The following OSBPL6 variants were observed in gnomAD, a reference collection of about 807,000 sequenced individuals.
The protein encoded by OSBPL6 is oxysterol binding protein like 6, also known as oxysterol-binding protein-related protein 6.
A neutral mutation model predicts 125.8 loss-of-function variants in OSBPL6; 49 were observed. That is an observed-to-expected ratio of 0.39 (90% confidence interval 0.31 to 0.49). OSBPL6 has a LOEUF of 0.49. OSBPL6 is among the 20% of genes least tolerant of loss of function. OSBPL6 has a pLI of 0.88. For synonymous variants in OSBPL6, 394 were observed against 391.8 expected, an observed-to-expected ratio of 1.01 and a Z score of -0.07; for missense variants, 986 against 1,135.4, an observed-to-expected ratio of 0.87 and a Z score of 1.89.
At chr2:178,361,545 G>A (rs1158852973) in intron 12 of OSBPL6, 137 bp from the exon 13 acceptor site, 1 of 945,712 alleles carries the variant, frequency 1.1e-6, no homozygotes, top group East Asian at 2.6e-5. Flanking sequence ...CCTTTTGAAG[G>A]CTGATTTTTA....
chr2:178,257,430 A>G (rs189893087), intron 1 of OSBPL6, among the ~76,000 whole-genome samples: 216 of 152,324 alleles, frequency 1.4e-3, no homozygotes, highest in African/African-American at 5.0e-3. Flanking sequence ...TACTTCTGTC[A>G]TATTATTTCT....
chr2:178,369,585 A>G (rs1693186891), intron 13 of OSBPL6, among the ~76,000 whole-genome samples: 1 of 152,184 alleles, frequency 6.6e-6, no homozygotes, highest in South Asian at 2.1e-4. Flanking sequence ...CCCAGGCTAG[A>G]ATTTTTATTT....
intron 1 of OSBPL6, among the ~76,000 whole-genome samples, chr2:178,267,362 AAAAAAAAAAAAAAC>A (rs1407315410): frequency 6.6e-6 from 1 of 151,380 alleles, no homozygotes; most frequent in African/African-American, 2.4e-5. Flanking sequence ...TCAAAAAAAA[AAAAAAAAAAAAAAC>A]AAAACAAGGT....
At chr2:178,239,915 C>T (rs2091221680) in intron 1 of OSBPL6, among the ~76,000 whole-genome samples, 3 of 151,958 alleles carry the variant, frequency 2.0e-5, no homozygotes, top group Non-Finnish European at 4.4e-5. Context: ...GTGTGAGCCA[C>T]CGTGCTCAGC....
intron 1 of OSBPL6, among the ~76,000 whole-genome samples, chr2:178,206,745 GC>G (rs1315705357): frequency 6.6e-6 from 1 of 152,118 alleles, no homozygotes; most frequent in Non-Finnish European, 1.5e-5. Context: ...CTGCCAAGTA[GC>G]TGGGACTACA....
intron 1 of OSBPL6, among the ~76,000 whole-genome samples, chr2:178,226,086 G>A (rs2090550523): frequency 1.3e-5 from 2 of 152,232 alleles, no homozygotes; most frequent in African/African-American, 4.8e-5. Context: ...AGCAAGGGAG[G>A]AAGCTGTGTT....
intron 15 of OSBPL6, among the ~76,000 whole-genome samples, chr2:178,376,262 G>A (rs1471367022): frequency 1.3e-5 from 2 of 152,036 alleles, no homozygotes; most frequent in African/African-American, 4.8e-5. Flanking sequence ...CACTCCGCCA[G>A]GGGAGAAACC....
intron 7 of OSBPL6, 31 bp downstream of exon 7, chr2:178,332,785 A>T (rs1689326120): frequency 1.1e-5 from 17 of 1,610,908 alleles, no homozygotes; most frequent in Non-Finnish European, 1.4e-5. Context: ...TTTCTCTGCC[A>T]TTATCAGGGG....
At chr2:178,387,706 G>C (rs555569411) in intron 20 of OSBPL6, among the ~76,000 whole-genome samples, 2 of 152,250 alleles carry the variant, frequency 1.3e-5, no homozygotes, top group South Asian at 2.1e-4. Context: ...AATAAACTTT[G>C]AATATTTGAA....
At chr2:178,309,302 G>C (rs55707762) in intron 3 of OSBPL6, among the ~76,000 whole-genome samples, 1 of 151,910 alleles carries the variant, frequency 6.6e-6, no homozygotes, top group South Asian at 2.1e-4. Context: ...GTGAGCTCTC[G>C]TATACAGACT....
intron 15 of OSBPL6, among the ~76,000 whole-genome samples, chr2:178,377,917 C>T (rs1694037984): frequency 6.6e-6 from 1 of 152,160 alleles, no homozygotes; most frequent in African/African-American, 2.4e-5. Flanking sequence ...TAATCTCCAC[C>T]TCCTGGGTTC....
chr2:178,332,448 G>T (rs912748494), intron 6 of OSBPL6, among the ~76,000 whole-genome samples, 193 bp from the exon 7 acceptor site: 2 of 152,198 alleles, frequency 1.3e-5, no homozygotes, highest in Admixed American at 1.3e-4. Context: ...AAATTGACGT[G>T]AAGTCACTGC....
chr2:178,331,927 G>A (rs1689235137), intron 6 of OSBPL6, among the ~76,000 whole-genome samples: 1 of 152,140 alleles, frequency 6.6e-6, no homozygotes, highest in African/African-American at 2.4e-5. Flanking sequence ...TGCTTTATGT[G>A]TGCTGCTCTG....
At chr2:178,287,149 TA>T (rs66530877) in intron 2 of OSBPL6, among the ~76,000 whole-genome samples, 67,433 of 125,224 alleles carry the variant, frequency 0.54, 15,764 homozygotes, top group Non-Finnish European at 0.6. Context: ...CTTCTTTTTT[TA>T]AAAAAAAAAA....
intron 20 of OSBPL6, among the ~76,000 whole-genome samples, chr2:178,387,441 C>T (rs1695042408): frequency 1.3e-5 from 2 of 152,210 alleles, no homozygotes; most frequent in African/African-American, 4.8e-5. Flanking sequence ...TTAGCCATTT[C>T]TTTGCTATAC....
At chr2:178,329,507 C>T (rs1689001763) in intron 5 of OSBPL6, among the ~76,000 whole-genome samples, 1 of 151,640 alleles carries the variant, frequency 6.6e-6, no homozygotes, top group Non-Finnish European at 1.5e-5. Context: ...CTCCACCTCT[C>T]GGGTTCAAGT....
chr2:178,257,799 CT>C (rs34246883), intron 1 of OSBPL6, among the ~76,000 whole-genome samples: 233 of 143,344 alleles, frequency 1.6e-3, no homozygotes, highest in Admixed American at 2.1e-3. Flanking sequence ...TTTTTAATTC[CT>C]TTTTTTTTTT....
chr2:178,221,360 G>A (rs1403839965), intron 1 of OSBPL6, among the ~76,000 whole-genome samples: 1 of 152,186 alleles, frequency 6.6e-6, no homozygotes, highest in Non-Finnish European at 1.5e-5. Context: ...CACCTAATAA[G>A]CAGGTAGTAC....
rs1428511474 is a variant in OSBPL6, at chr2:178,396,809, G to A, written c.*1250G>A. On this transcript the variant is annotated 3_prime_UTR_variant, in exon 25 of 25. Transcript: ENST00000190611. ...GTATCCATCCCAAAGCAGGAAAGCA[G>A]AAGTGTGTTTTGCATACTTCAGGAT... 3 of 152,222 alleles carry A rather than the reference G, an allele frequency of 2.0e-5. No homozygotes were observed. The highest frequency in any genetic ancestry group is 7.2e-5 in the African/African-American group (3 of 41,454). The allele number at this position is 152,222 out of a possible 1,614,324, so 9.4% of individuals were successfully genotyped here.
Sources: allele counts gnomAD v4.1 joint callset (sites outside exome capture counted in the v4.1 genomes callset), GRCh38; gene constraint gnomAD v4.1.1; transcripts MANE v1.5; gene names NCBI Gene and HGNC (gene_info 2026-07-23, HGNC 2026-07-21).